CDC23: variants seen among roughly 807,000 people sequenced by gnomAD.
CDC23 encodes cell division cycle protein 23 homolog.
Under a neutral mutation model 81.7 loss-of-function variants are expected in CDC23, and 26 were observed. The observed-to-expected ratio is 0.32, with a 90% CI of 0.23 to 0.44. The LOEUF (loss-of-function observed/expected upper bound fraction) is 0.44. Ranked by LOEUF, CDC23 falls within the 20% of genes least tolerant of loss-of-function variation. The pLI is 1.00. For missense variants in CDC23, 519 were observed against 728.0 expected, an observed-to-expected ratio of 0.71 and a Z score of 3.30; for synonymous variants, 267 against 270.8, an observed-to-expected ratio of 0.99 and a Z score of 0.14.
rs1478800173 is a variant in CDC23 at position 138,188,996 on chromosome 5, CAAGTT to C, written c.1771_1775del (p.Asn591ValfsTer20). 1 of 1,613,718 alleles carries C rather than the reference CAAGTT, an allele frequency of 6.2e-7. No homozygotes were observed. The highest frequency in any genetic ancestry group is 8.5e-7 in the Non-Finnish European group (1 of 1,179,894). On this transcript the variant is annotated frameshift_variant, in exon 16 of 16. Transcript: ENST00000394886. LOFTEE classifies it high-confidence loss of function. ...TAGCCAACTATGGCGTGACAGAAGA[CAAGTT>C]GAGTGGAGAAACTCTGCGTGTGGGG...
chr5:138,203,028 G>T (rs531246678), intron 3 of CDC23, among the ~76,000 whole-genome samples: 19 of 152,316 alleles, frequency 1.2e-4, no homozygotes, highest in Admixed American at 3.3e-4. Flanking sequence ...AACATTAGCA[G>T]TGAGGGGCTT....
intron 9 of CDC23, among the ~76,000 whole-genome samples, chr5:138,195,581 A>T (rs1417939838): frequency 2.9e-5 from 2 of 68,546 alleles, no homozygotes; most frequent in Non-Finnish European, 6.2e-5. Flanking sequence ...TATATAATAT[A>T]TTATATATAA....
intron 3 of CDC23, chr5:138,205,729 A>T (rs1755040838): frequency 6.6e-6 from 1 of 151,874 alleles, no homozygotes; most frequent in South Asian, 2.1e-4. Context: ...TGACTTAAAC[A>T]TAGTCCATAA....
rs1754796237 is a variant in CDC23, at chr5:138,189,222, T to G, written c.1624-74A>C. 3.5e-6 allele frequency: 5 copies of G among 1,420,366 alleles called. No individual in the cohort carries two copies. In the Admixed American group the frequency reaches 9.8e-5, roughly 28 times the overall value. 88.0% of individuals were successfully genotyped at this position (1,420,366 alleles called of 1,614,324 possible). On this transcript the variant is annotated intron_variant, in intron 15 of 15. Transcript: ENST00000394886. ...CGAAAACAAGTTATTAAGATGCTGT[T>G]AAACAAGTTCCACAGATCAAGGAGG...
intron 2 of CDC23, 103 bp downstream of exon 2, chr5:138,212,888 T>C (rs1755130016): frequency 1.8e-5 from 16 of 875,706 alleles, no homozygotes; most frequent in Admixed American, 1.4e-4. Context: ...TCTACAAACA[T>C]TTCTGCTAAG....
At chr5:138,196,605 G>T (rs1581485420) in intron 9 of CDC23, among the ~76,000 whole-genome samples, 3 of 131,168 alleles carry the variant, frequency 2.3e-5, no homozygotes, top group African/African-American at 8.8e-5. Flanking sequence ...TTTTGAGATG[G>T]AGTCTCACTC....
chr5:138,191,192 T>A (rs1754823289), intron 13 of CDC23, among the ~76,000 whole-genome samples: 1 of 152,148 alleles, frequency 6.6e-6, no homozygotes. Context: ...CTCGGCTCAC[T>A]GCAACCTCCA....
At chr5:138,207,258 A>C (rs1755060940) in intron 2 of CDC23, among the ~76,000 whole-genome samples, 1 of 152,186 alleles carries the variant, frequency 6.6e-6, no homozygotes, top group African/African-American at 2.4e-5. Context: ...AACACTCATA[A>C]ATGTGTATTG....
At chr5:138,207,247 G>A (rs927465723) in intron 2 of CDC23, among the ~76,000 whole-genome samples, 1 of 152,062 alleles carries the variant, frequency 6.6e-6, no homozygotes, top group African/African-American at 2.4e-5. Flanking sequence ...AAAACTAAAC[G>A]AACACTCATA....
chr5:138,201,181 C>A lies in CDC23; in HGVS notation c.580G>T (p.Glu194Ter). ...LVKEAIDVFVEATHVLPLHWG... is the reference protein window; with the variant it reads ...LVKEAIDVFV ...TGCAAGGGCAAAACATGAGTAGCTT[C>A]CACAAACACATCAATGGCCTCTTTA... Residue 194 changes from glutamate (E) to a stop codon, truncating the protein, a stop_gained, in exon 6 of 16, where the codon GAA becomes TAA. Coordinates refer to ENST00000394886, the MANE Select transcript of CDC23 (RefSeq NM_004661.4). LOFTEE classifies it high-confidence loss of function. 6.2e-7 allele frequency: 1 copy of A among 1,614,192 alleles called. No individual in the cohort carries two copies. Among genetic ancestry groups the A allele is most frequent in the African/African-American group, 1.3e-5 (1 of 75,056 alleles).
chr5:138,189,740 G>C lies in CDC23; in HGVS notation c.1516C>G (p.His506Asp). Residue 506 changes from histidine to aspartate, a missense_variant, in exon 15 of 16, where the codon CAC becomes GAC. Transcript: ENST00000394886. The stretch of plus-strand genomic sequence containing the variant: ...CGAAAGGCAGTGCTTTCCTCCAAGT[G>C]TTCTACTATTTCCTAGAAAGGGAAA... ...DIYSCGEIVEHLEESTAFRYL... is the reference protein window; with the variant it reads ...DIYSCGEIVEDLEESTAFRYL... 1 of 1,613,736 alleles carries C rather than the reference G, an allele frequency of 6.2e-7. No individual in the cohort carries two copies. Among genetic ancestry groups the C allele is most frequent in the Non-Finnish European group, 8.5e-7 (1 of 1,179,716 alleles).
intron 2 of CDC23, among the ~76,000 whole-genome samples, chr5:138,208,389 C>G (rs1398070634): frequency 6.6e-6 from 1 of 152,178 alleles, no homozygotes; most frequent in Non-Finnish European, 1.5e-5. Context: ...TCAACATGTC[C>G]TAAATACGAC....
intron 3 of CDC23, among the ~76,000 whole-genome samples, chr5:138,203,645 C>T (rs1041683211): frequency 2.0e-5 from 3 of 152,176 alleles, no homozygotes; most frequent in African/African-American, 7.2e-5. Flanking sequence ...GGTGCAGTGG[C>T]TCACACCTGT....
chr5:138,209,486 T>G (rs935692749), intron 2 of CDC23, among the ~76,000 whole-genome samples: 1 of 151,312 alleles, frequency 6.6e-6, no homozygotes, highest in African/African-American at 2.4e-5. Context: ...ATAACGAGTT[T>G]AAGGCCTTAT....
intron 2 of CDC23, among the ~76,000 whole-genome samples, chr5:138,208,523 G>C (rs1755078175): frequency 1.3e-5 from 2 of 151,614 alleles, no homozygotes; most frequent in South Asian, 4.2e-4. Flanking sequence ...TTGCTGAATG[G>C]GACAAAAAAA....
chr5:138,192,039 G>A (rs987899208), intron 11 of CDC23, 102 bp from the exon 12 acceptor site: 24 of 1,044,870 alleles, frequency 2.3e-5, no homozygotes, highest in African/African-American at 3.2e-5. Context: ...GCAACAACTG[G>A]TCTTTAACCT....
At chr5:138,202,911 A>C (rs929248384) in intron 3 of CDC23, among the ~76,000 whole-genome samples, 10 of 152,230 alleles carry the variant, frequency 6.6e-5, no homozygotes, top group Non-Finnish European at 1.3e-4. Flanking sequence ...AGATATCTGC[A>C]TGGTCTTAAA....
At chr5:138,197,592 G>A (rs535067646) in intron 9 of CDC23, among the ~76,000 whole-genome samples, 1 of 150,512 alleles carries the variant, frequency 6.6e-6, no homozygotes, top group Non-Finnish European at 1.5e-5. Context: ...CACCTCCCGG[G>A]TTCATGTGAT....
At chr5:138,199,752 G>A (rs745678348) in intron 6 of CDC23, among the ~76,000 whole-genome samples, 20 of 152,220 alleles carry the variant, frequency 1.3e-4, no homozygotes, top group Non-Finnish European at 2.6e-4. Context: ...AATTTAGTAG[G>A]CAAGACAAGG....
Sources: allele counts gnomAD v4.1 joint callset (sites outside exome capture counted in the v4.1 genomes callset), GRCh38; gene constraint gnomAD v4.1.1; transcripts MANE v1.5; gene names NCBI Gene and HGNC (gene_info 2026-07-23, HGNC 2026-07-21).